The following FNBP4 variants were observed in gnomAD, a reference collection of about 807,000 sequenced individuals.
FNBP4 encodes the protein formin binding protein 4.
A neutral mutation model predicts 119.3 loss-of-function variants in FNBP4; 34 were observed. The observed-to-expected ratio is 0.28, with a 90% confidence interval of 0.22 to 0.38. FNBP4 has a LOEUF of 0.38. FNBP4 is among the 10% of genes least tolerant of loss of function. The probability of loss-of-function intolerance (pLI) is 1.00; values close to 1 mark genes in which losing one functional copy is unlikely to be tolerated. For synonymous variants in FNBP4, 462 were observed against 430.6 expected, an observed-to-expected ratio of 1.07 and a Z score of -0.90; for missense variants, 1,112 against 1,228.9, an observed-to-expected ratio of 0.90 and a Z score of 1.42.
rs2135113982 is a variant in FNBP4, at chr11:47,732,726, G to C, written c.1687-56C>G. The C allele has an allele frequency of 1.3e-6, 2 of 1,538,432 alleles. No individual in the cohort carries two copies. The highest frequency in any genetic ancestry group is 1.8e-6 in the Non-Finnish European group (2 of 1,112,414). On this transcript the variant is annotated intron_variant, in intron 10 of 16. Transcript: ENST00000263773. This position sits in a 1 kb window ranked among gnomAD's most constrained non-coding sequence, Gnocchi z 4.2. Reference sequence around the variant, plus strand: ...TTATTATTACATGTCAGGAGACACAGGCAAAGGGGATATAAACCTTCTGCT... The same window carrying C: ...TTATTATTACATGTCAGGAGACACACGCAAAGGGGATATAAACCTTCTGCT...
intron 9 of FNBP4, among the ~76,000 whole-genome samples, chr11:47,736,102 G>A (rs762052216): frequency 1.7e-4 from 25 of 151,000 alleles, no homozygotes; most frequent in Non-Finnish European, 3.2e-4. Flanking sequence ...CTTGCCAGGC[G>A]TAGTGGTGGG....
intron 8 of FNBP4, among the ~76,000 whole-genome samples, chr11:47,743,422 G>A (rs1393530800): frequency 1.3e-5 from 2 of 152,252 alleles, no homozygotes; most frequent in Non-Finnish European, 2.9e-5. Context: ...GGCGGAGGTT[G>A]CAGTGAGCCA....
intron 2 of FNBP4, 36 bp downstream of exon 2, chr11:47,765,234 G>C: frequency 7.1e-7 from 1 of 1,401,034 alleles, no homozygotes; most frequent in Non-Finnish European, 1.0e-6. Context: ...TGAAAGACGT[G>C]GGAGAAAAAA....
Position 47,724,017 on chromosome 11 carries a change from TG to T in FNBP4, c.2464+10del. The T allele has an allele frequency of 6.2e-7, 1 of 1,612,652 alleles. No homozygotes were observed. The highest frequency in any genetic ancestry group is 8.5e-7 in the Non-Finnish European group (1 of 1,179,596). On this transcript the variant is annotated intron_variant, in intron 14 of 16. Coordinates refer to ENST00000263773, the MANE Select transcript of FNBP4 (RefSeq NM_015308.5). ...TACATTGAGGAAAAACCACGCTCTA[TG>T]CACAATTACCTGTAGCTATAGCTGA...
intron 7 of FNBP4, 79 bp downstream of exon 7, chr11:47,745,977 G>A: frequency 8.1e-7 from 1 of 1,231,004 alleles, no homozygotes; most frequent in South Asian, 1.5e-5. Context: ...TCCCAATAAT[G>A]GTTGTAAGTC....
At chr11:47,747,143 G>C (rs2097592121) in intron 6 of FNBP4, among the ~76,000 whole-genome samples, 1 of 151,652 alleles carries the variant, frequency 6.6e-6, no homozygotes, top group African/African-American at 2.4e-5. Context: ...GCGATTCCCA[G>C]CCTCACAGCC....
intron 12 of FNBP4, chr11:47,726,965 T>G (rs1045122394): frequency 2.6e-5 from 4 of 152,352 alleles, no homozygotes; most frequent in Non-Finnish European, 5.9e-5. Context: ...ATTAATTAGT[T>G]GTAAACACCA....
chr11:47,754,449 G>A, intron 3 of FNBP4, 79 bp downstream of exon 3: 2 of 1,421,740 alleles, frequency 1.4e-6, no homozygotes, highest in Admixed American at 1.9e-5. Flanking sequence ...ACATTGAACT[G>A]ACAAGTACGC....
At chr11:47,754,490 C>A in intron 3 of FNBP4, 38 bp downstream of exon 3, 1 of 1,603,322 alleles carries the variant, frequency 6.2e-7, no homozygotes, top group Non-Finnish European at 8.5e-7. Context: ...CCCAAAGTAG[C>A]TTCAGTAACT....
At chr11:47,746,015 C>A (rs763320495) in intron 7 of FNBP4, 41 bp downstream of exon 7, 3 of 1,506,324 alleles carry the variant, frequency 2.0e-6, no homozygotes, top group Admixed American at 4.1e-5. Flanking sequence ...TAGAGTAGTA[C>A]TGAGGAAAAA....
intron 2 of FNBP4, among the ~76,000 whole-genome samples, chr11:47,759,050 C>T (rs1288875807): frequency 1.3e-5 from 2 of 151,436 alleles, no homozygotes; most frequent in East Asian, 2.0e-4. Flanking sequence ...TCCCGAGTAG[C>T]TAGGATTAAC....
chr11:47,759,510 G>A lies in FNBP4; in HGVS notation c.314-4846C>T, dbSNP rs117628104. Among the ~76,000 whole-genome samples the A allele has an allele frequency of 9.9e-5, 15 of 151,978 alleles. No individual in the cohort carries two copies. The East Asian group carries it at 2.5e-3, about 26-fold the overall frequency. ...ATTACAGGCGTGAACCATGGCGCCC[G>A]GCCCAATTTTCTTGATATTCTGAAC... is the stretch of plus-strand genomic sequence containing the variant. On this transcript the variant is annotated intron_variant, in intron 2 of 16. Transcript: ENST00000263773.
chr11:47,765,535 A>C (rs2097645595), intron 1 of FNBP4, among the ~76,000 whole-genome samples, 173 bp from the exon 2 acceptor site: 1 of 109,402 alleles, frequency 9.1e-6, no homozygotes, highest in Non-Finnish European at 1.7e-5. Context: ...ATGGGTTCGC[A>C]CCTGTAATCC....
intron 3 of FNBP4, among the ~76,000 whole-genome samples, chr11:47,753,572 C>T (rs1247341161): frequency 6.6e-6 from 1 of 151,946 alleles, no homozygotes; most frequent in Non-Finnish European, 1.5e-5. Context: ...GATCACGCTA[C>T]TGCATTCCAA....
chr11:47,755,141 TAAAA>T (rs35333558), intron 2 of FNBP4, among the ~76,000 whole-genome samples: 22 of 122,714 alleles, frequency 1.8e-4, no homozygotes, highest in Middle Eastern at 5.1e-3. Flanking sequence ...CTCCGGGGGT[TAAAA>T]AAAAAAAAAA....
chr11:47,725,243 GGAGT>G (rs2097559751), intron 12 of FNBP4: 1 of 152,806 alleles, frequency 6.5e-6, no homozygotes, highest in Non-Finnish European at 1.5e-5. Flanking sequence ...CAAAAGTGAA[GGAGT>G]GAGTGAATAA....
At chr11:47,742,693 GC>G (rs1387326069) in intron 8 of FNBP4, among the ~76,000 whole-genome samples, 1 of 151,620 alleles carries the variant, frequency 6.6e-6, no homozygotes, top group African/African-American at 2.4e-5. Context: ...TTCGAGACCA[GC>G]CTTGCCAACA....
intron 6 of FNBP4, among the ~76,000 whole-genome samples, chr11:47,749,712 C>T (rs948898205): frequency 5.3e-5 from 8 of 152,020 alleles, no homozygotes; most frequent in East Asian, 1.9e-4. Context: ...ACATAGTATC[C>T]GTTATTGAAA....
At chr11:47,726,567 C>T (rs561825857) in intron 12 of FNBP4, 1 of 152,112 alleles carries the variant, frequency 6.6e-6, no homozygotes, top group East Asian at 1.9e-4. Context: ...AAGACAGCTG[C>T]TTACTGCCAC....
Sources: allele counts gnomAD v4.1 joint callset (sites outside exome capture counted in the v4.1 genomes callset), GRCh38; gene constraint gnomAD v4.1.1; non-coding constraint Gnocchi (gnomAD v3.1); transcripts MANE v1.5; gene names NCBI Gene and HGNC (gene_info 2026-07-23, HGNC 2026-07-21).